POU2F1: variants seen among roughly 807,000 people sequenced by gnomAD.
POU2F1 encodes the protein POU domain, class 2, transcription factor 1.
POU2F1 carries 16 observed loss-of-function variants against 84.9 expected under a neutral mutation model. The observed-to-expected ratio is 0.19, with a 90% confidence interval of 0.13 to 0.29. POU2F1 has a LOEUF of 0.29. POU2F1 is among the 10% of genes least tolerant of loss of function. POU2F1 has a pLI of 1.00. For synonymous variants in POU2F1, 368 were observed against 368.3 expected, an observed-to-expected ratio of 1.00 and a Z score of 0.01; for missense variants, 738 against 942.6, an observed-to-expected ratio of 0.78 and a Z score of 2.84.
intron 1 of POU2F1, among the ~76,000 whole-genome samples, chr1:167,242,441 A>G (rs954036343): frequency 3.9e-5 from 6 of 152,222 alleles, no homozygotes; most frequent in Non-Finnish European, 7.3e-5. Flanking sequence ...CTTGAAAAAC[A>G]TGGTGTAAGA....
At chr1:167,393,163 T>C (rs974581592) in intron 9 of POU2F1, among the ~76,000 whole-genome samples, 2 of 152,196 alleles carry the variant, frequency 1.3e-5, no homozygotes, top group African/African-American at 2.4e-5. Context: ...GGATATAATA[T>C]AGTTAAGATT....
In POU2F1 at chr1:167,401,432, T is replaced by G. The variant is rs753949111; in HGVS notation, c.1450-19T>G. The stretch of plus-strand genomic sequence containing the variant: ...TTGATTTTAAGTGCTTTGTCCATGT[T>G]TTCATTTCTGACCTCAAGGTGGCGA... On this transcript the variant is annotated intron_variant, in intron 12 of 15. Transcript: ENST00000367866. 1 of 1,564,116 alleles carries G rather than the reference T, an allele frequency of 6.4e-7. No individual in the cohort carries two copies. Among genetic ancestry groups the G allele is most frequent in the South Asian group, 1.1e-5 (1 of 88,486 alleles).
intron 2 of POU2F1, among the ~76,000 whole-genome samples, chr1:167,347,732 T>C (rs1658293290): frequency 6.6e-6 from 1 of 152,212 alleles, no homozygotes; most frequent in Non-Finnish European, 1.5e-5. Flanking sequence ...ACCTATAGTT[T>C]GTCTCTATAA....
At position 167,271,390 on chromosome 1, in the gene POU2F1, G is replaced by A. The variant is rs144187674; in HGVS notation, c.61+50432G>A. 8.8e-3 allele frequency among the ~76,000 whole-genome samples: 1,341 copies of A among 152,208 alleles called. 11 individuals are homozygous for A. The highest frequency in any genetic ancestry group is 0.014 in the Non-Finnish European group (973 of 68,000). On this transcript the variant is annotated intron_variant, in intron 1 of 15. Transcript: ENST00000367866. ...AACTTGCCTTTTCAACAAGACACCC[G>A]AACTGCCAAGACTTCACAGGGGTCT...
chr1:167,343,595 C>G (rs1432926561), intron 2 of POU2F1, among the ~76,000 whole-genome samples: 2 of 141,728 alleles, frequency 1.4e-5, no homozygotes, highest in African/African-American at 2.6e-5. Flanking sequence ...TATATAACAT[C>G]CTGGCATAGA....
chr1:167,293,660 C>G (rs1654083208), intron 1 of POU2F1, among the ~76,000 whole-genome samples: 1 of 152,056 alleles, frequency 6.6e-6, no homozygotes, highest in Admixed American at 6.5e-5. Context: ...TAATTGTAAA[C>G]AAAAAGAACA....
intron 1 of POU2F1, among the ~76,000 whole-genome samples, chr1:167,302,079 C>T (rs1446039648): frequency 1.3e-5 from 2 of 151,824 alleles, no homozygotes; most frequent in African/African-American, 2.4e-5. Flanking sequence ...ATTTATCCCC[C>T]GCCCCCGAGA....
intron 1 of POU2F1, among the ~76,000 whole-genome samples, chr1:167,293,546 G>A (rs1357456424): frequency 6.6e-6 from 1 of 152,150 alleles, no homozygotes; most frequent in African/African-American, 2.4e-5. Context: ...CCAGTTGACA[G>A]ATTCAATGCA....
chr1:167,354,898 A>G (rs1275943144), intron 2 of POU2F1, among the ~76,000 whole-genome samples: 1 of 152,042 alleles, frequency 6.6e-6, no homozygotes, highest in Non-Finnish European at 1.5e-5. Flanking sequence ...TTATTGACTC[A>G]TAGGAGTTCT....
At chr1:167,410,889 C>T (rs1201809668) in intron 13 of POU2F1, among the ~76,000 whole-genome samples, 1 of 152,162 alleles carries the variant, frequency 6.6e-6, no homozygotes, top group African/African-American at 2.4e-5. Context: ...TTAGACAACA[C>T]TGATCTCAAA....
In POU2F1 at chr1:167,347,821, A is replaced by G. The variant is rs531439245; in HGVS notation, c.127+15286A>G. Among the ~76,000 whole-genome samples, 7 of 152,286 alleles carry G rather than the reference A, an allele frequency of 4.6e-5. No homozygotes were observed. The South Asian group carries it at 1.0e-3, about 23-fold the overall frequency. Reference sequence around the variant, plus strand: ...TTGTGTATGGCTTCTTTAACTTAGTATAATGTTTTCAAGGTTCATTCATGT... The same window carrying G: ...TTGTGTATGGCTTCTTTAACTTAGTGTAATGTTTTCAAGGTTCATTCATGT... On this transcript the variant is annotated intron_variant, in intron 2 of 15. Transcript: ENST00000367866.
intron 8 of POU2F1, among the ~76,000 whole-genome samples, chr1:167,386,201 G>A (rs1438182117): frequency 6.6e-6 from 1 of 152,064 alleles, no homozygotes; most frequent in African/African-American, 2.4e-5. Flanking sequence ...CTTTTTGGGG[G>A]GGTGAGGGGG....
chr1:167,291,253 A>T (rs1010989020), intron 1 of POU2F1, among the ~76,000 whole-genome samples: 2 of 152,192 alleles, frequency 1.3e-5, no homozygotes, highest in Admixed American at 6.5e-5. Flanking sequence ...CATTGGATTG[A>T]TCATTGCTAA....
chr1:167,333,102 C>A (rs1316831932), intron 2 of POU2F1, among the ~76,000 whole-genome samples: 1 of 152,088 alleles, frequency 6.6e-6, no homozygotes, highest in Non-Finnish European at 1.5e-5. Context: ...ATACCCATTT[C>A]TAATACATTC....
chr1:167,260,297 G>A (rs936464691), intron 1 of POU2F1, among the ~76,000 whole-genome samples: 48 of 152,122 alleles, frequency 3.2e-4, no homozygotes, highest in African/African-American at 1.2e-3. Flanking sequence ...GGTTATGTAT[G>A]TTCTAATATC....
intron 10 of POU2F1, among the ~76,000 whole-genome samples, chr1:167,397,136 A>G (rs1186626551): frequency 2.0e-5 from 3 of 152,216 alleles, no homozygotes; most frequent in African/African-American, 4.8e-5. Context: ...TACTGTTTCC[A>G]TCTTATTTTA....
At chr1:167,344,226 A>G (rs1658048332) in intron 2 of POU2F1, among the ~76,000 whole-genome samples, 1 of 152,206 alleles carries the variant, frequency 6.6e-6, no homozygotes, top group Non-Finnish European at 1.5e-5. Context: ...TCTATTGGAC[A>G]GTGCTTAAGT....
At chr1:167,288,237 G>A (rs1391130766) in intron 1 of POU2F1, among the ~76,000 whole-genome samples, 1 of 151,732 alleles carries the variant, frequency 6.6e-6, no homozygotes, top group Non-Finnish European at 1.5e-5. Context: ...TTGGTACATA[G>A]TAAATGCTTG....
intron 14 of POU2F1, 77 bp from the exon 15 acceptor site, chr1:167,412,948 TA>T: frequency 8.2e-7 from 1 of 1,223,348 alleles, no homozygotes. Context: ...TTTCGTTTTG[TA>T]AGTTCCTTTT....
Sources: gnomAD v4.1 joint callset for allele counts (sites outside exome capture counted in the v4.1 genomes callset) on GRCh38, gnomAD v4.1.1 for gene constraint, MANE v1.5 for transcripts, NCBI Gene and HGNC (gene_info 2026-07-23, HGNC 2026-07-21) for gene names.